The following FMNL2 variants were observed in gnomAD, a reference collection of about 807,000 sequenced individuals.
FMNL2 encodes the protein formin-like protein 2.
Under a neutral mutation model 130.2 loss-of-function variants are expected in FMNL2, and 51 were observed. The observed-to-expected ratio is 0.39, with a 90% CI of 0.31 to 0.49. The LOEUF (loss-of-function observed/expected upper bound fraction) is 0.49, where lower values mean the gene tolerates loss of function less well. Among genes scored for constraint, FMNL2 ranks in the 20% least tolerant of loss-of-function variants. The pLI, the probability that FMNL2 is intolerant of heterozygous loss-of-function variation, is 0.85. For missense variants in FMNL2, 977 were observed against 1,316.2 expected (o/e 0.74, Z 3.99); for synonymous variants, 465 against 467.1 (o/e 1.00, Z 0.06).
intron 1 of FMNL2, among the ~76,000 whole-genome samples, chr2:152,479,701 C>CATG (rs1285074827): frequency 6.9e-6 from 1 of 145,144 alleles, no homozygotes; most frequent in Non-Finnish European, 1.5e-5. Context: ...TTGATGGATT[C>CATG]ATGGATGTTG....
chr2:152,427,601 CT>C (rs202245279), intron 1 of FMNL2, among the ~76,000 whole-genome samples: 3 of 150,896 alleles, frequency 2.0e-5, no homozygotes, highest in African/African-American at 4.9e-5. Flanking sequence ...CCATTATTGT[CT>C]TTTTTTTTCA....
At chr2:152,437,313 A>T (rs1687820381) in intron 1 of FMNL2, among the ~76,000 whole-genome samples, 1 of 152,172 alleles carries the variant, frequency 6.6e-6, no homozygotes, top group Non-Finnish European at 1.5e-5. Flanking sequence ...TCTGTACCTG[A>T]CATGGAGCAA....
chr2:152,631,114 G>C (rs1682127625), intron 20 of FMNL2, among the ~76,000 whole-genome samples: 1 of 152,140 alleles, frequency 6.6e-6, no homozygotes, highest in African/African-American at 2.4e-5. Flanking sequence ...GGCCAGGCCT[G>C]GTGGCTCACA....
chr2:152,428,739 T>C (rs1687319683), intron 1 of FMNL2, among the ~76,000 whole-genome samples: 1 of 152,218 alleles, frequency 6.6e-6, no homozygotes, highest in African/African-American at 2.4e-5. Flanking sequence ...AATTGTGTTC[T>C]ATAATTCTGT....
At chr2:152,348,818 G>GGTTTT (rs1682283650) in intron 1 of FMNL2, among the ~76,000 whole-genome samples, 1 of 71,814 alleles carries the variant, frequency 1.4e-5, no homozygotes, top group Admixed American at 2.4e-4. Context: ...GCTTCTAAGG[G>GGTTTT]TTTTTTTTTT....
At chr2:152,429,091 C>G (rs1240843314) in intron 1 of FMNL2, among the ~76,000 whole-genome samples, 3 of 151,778 alleles carry the variant, frequency 2.0e-5, no homozygotes, top group Admixed American at 1.3e-4. Context: ...GGCTTAATAC[C>G]TGGGTGATGG....
intron 1 of FMNL2, among the ~76,000 whole-genome samples, chr2:152,472,077 G>A (rs1440909496): frequency 6.6e-6 from 1 of 152,148 alleles, no homozygotes; most frequent in Non-Finnish European, 1.5e-5. Flanking sequence ...CATAACAGAA[G>A]TGTTCTTATT....
chr2:152,441,695 G>A (rs1308518557), intron 1 of FMNL2, among the ~76,000 whole-genome samples: 1 of 152,020 alleles, frequency 6.6e-6, no homozygotes, highest in Non-Finnish European at 1.5e-5. Flanking sequence ...AATTAGTTGG[G>A]CATGGTGGCA....
intron 1 of FMNL2, 85 bp downstream of exon 1, chr2:152,335,805 C>T (rs1328621851): frequency 4.9e-6 from 5 of 1,026,136 alleles, no homozygotes; most frequent in African/African-American, 1.7e-5. Flanking sequence ...CCCTTCACCC[C>T]GTGCCGGGAG....
chr2:152,643,577 C>A (rs1683286296), intron 25 of FMNL2: 1 of 1,530,218 alleles, frequency 6.5e-7, no homozygotes, highest in Admixed American at 2.0e-5. Flanking sequence ...CTTATGTCCC[C>A]CTCTGTGTGT....
At chr2:152,448,345 G>T (rs1688464480) in intron 1 of FMNL2, among the ~76,000 whole-genome samples, 1 of 152,106 alleles carries the variant, frequency 6.6e-6, no homozygotes, top group Non-Finnish European at 1.5e-5. Flanking sequence ...CTTTTAGGGA[G>T]TTGCTTCTGA....
At chr2:152,450,737 G>A (rs561676995) in intron 1 of FMNL2, among the ~76,000 whole-genome samples, 3 of 152,196 alleles carry the variant, frequency 2.0e-5, no homozygotes, top group South Asian at 2.1e-4. Flanking sequence ...ACCTCCCATC[G>A]CAGTCTCCTC....
At chr2:152,519,490 G>A (rs1437026767) in intron 1 of FMNL2, among the ~76,000 whole-genome samples, 2 of 152,182 alleles carry the variant, frequency 1.3e-5, no homozygotes, top group African/African-American at 4.8e-5. Context: ...AATTCCTGTG[G>A]CGATGTTTGC....
At chr2:152,430,484 A>G (rs746841649) in intron 1 of FMNL2, among the ~76,000 whole-genome samples, 3 of 152,206 alleles carry the variant, frequency 2.0e-5, no homozygotes, top group South Asian at 2.1e-4. Context: ...GCCCAGGCCT[A>G]TGGGGTACGT....
intron 2 of FMNL2, among the ~76,000 whole-genome samples, chr2:152,534,466 C>T (rs1039869667): frequency 3.3e-5 from 5 of 151,804 alleles, no homozygotes; most frequent in South Asian, 2.1e-4. Flanking sequence ...TTCTTAAAAT[C>T]GGAGCTTGTA....
intron 1 of FMNL2, among the ~76,000 whole-genome samples, chr2:152,401,967 G>A (rs570912245): frequency 4.2e-5 from 6 of 143,330 alleles, no homozygotes; most frequent in Admixed American, 1.5e-4. Flanking sequence ...ATGCAGTGGC[G>A]CGATCTCAGC....
chr2:152,639,855 G>T (rs778012611), intron 23 of FMNL2, 103 bp from the exon 24 acceptor site: 3 of 736,640 alleles, frequency 4.1e-6, no homozygotes, highest in African/African-American at 2.7e-5. Context: ...TCCATTTATT[G>T]TAATTCTCAA....
At chr2:152,633,888 T>C (rs1393169485) in intron 21 of FMNL2, among the ~76,000 whole-genome samples, 1 of 152,244 alleles carries the variant, frequency 6.6e-6, no homozygotes, top group East Asian at 1.9e-4. Context: ...TTCTGTTTGC[T>C]CTCTGGTGCC....
intron 1 of FMNL2, among the ~76,000 whole-genome samples, chr2:152,463,840 C>T (rs1484113817): frequency 5.9e-5 from 9 of 151,330 alleles, no homozygotes; most frequent in Non-Finnish European, 8.9e-5. Flanking sequence ...GTTTTTTTTT[C>T]TCCCTGGCTT....
Sources: allele counts gnomAD v4.1 joint callset (sites outside exome capture counted in the v4.1 genomes callset), GRCh38; gene constraint gnomAD v4.1.1; transcripts MANE v1.5; gene names NCBI Gene and HGNC (gene_info 2026-07-23, HGNC 2026-07-21).